Variants in AP4E1 observed in about 807,000 individuals in gnomAD.
AP4E1 encodes the protein adaptor related protein complex 4 subunit epsilon 1.
A neutral mutation model predicts 128.2 loss-of-function variants in AP4E1; 56 were observed. The ratio of observed to expected loss-of-function variants is 0.44; its 90% confidence interval spans 0.35 to 0.55. The LOEUF (loss-of-function observed/expected upper bound fraction) is 0.55. Ranked by LOEUF, AP4E1 falls within the 20% of genes least tolerant of loss-of-function variation. The pLI is 0.00. For synonymous variants in AP4E1, 484 were observed against 473.1 expected (o/e 1.02, Z -0.30); for missense variants, 1,324 against 1,307.7 (o/e 1.01, Z -0.19).
At chr15:50,945,658 T>G in intron 10 of AP4E1, 3 of 780,118 alleles carry the variant, frequency 3.8e-6, no homozygotes, top group Non-Finnish European at 7.1e-6. Context: ...CTGTGTAAAA[T>G]GCACTTCTGA....
chr15:50,934,857 T>C (rs1408197285), intron 8 of AP4E1, among the ~76,000 whole-genome samples, 160 bp downstream of exon 8: 1 of 152,140 alleles, frequency 6.6e-6, no homozygotes, highest in African/African-American at 2.4e-5. Flanking sequence ...ATTTAATTAC[T>C]GATAGATAAG....
At chr15:50,985,478 A>G (rs1010746498) in intron 16 of AP4E1, among the ~76,000 whole-genome samples, 8 of 152,100 alleles carry the variant, frequency 5.3e-5, no homozygotes, top group African/African-American at 1.9e-4. Flanking sequence ...ATCTTGAATT[A>G]ATTTTTGTAT....
At chr15:50,921,969 G>T (rs1413013540) in intron 3 of AP4E1, among the ~76,000 whole-genome samples, 1 of 151,902 alleles carries the variant, frequency 6.6e-6, no homozygotes, top group Non-Finnish European at 1.5e-5. Flanking sequence ...ACTTGGGAAT[G>T]GGTGATACCT....
intron 14 of AP4E1, among the ~76,000 whole-genome samples, chr15:50,962,704 T>C (rs2064332027): frequency 6.6e-6 from 1 of 151,880 alleles, no homozygotes; most frequent in Non-Finnish European, 1.5e-5. Flanking sequence ...CAAAGATTTA[T>C]GGCTAAGACT....
rs977745809 is a variant in AP4E1, at chr15:50,963,567, G to A, written c.1852-4696G>A. ...GAGAATAAAGAAGCTGGGAAGGGTC[G>A]GGGGGCAGGGAAGAAGAATTGTTGG... On this transcript the variant is annotated intron_variant, in intron 14 of 20. Coordinates refer to ENST00000261842, the MANE Select transcript of AP4E1 (RefSeq NM_007347.5). 1.8e-4 allele frequency among the ~76,000 whole-genome samples: 28 copies of A among 152,102 alleles called. No homozygotes were observed. In the South Asian group the frequency reaches 1.9e-3, roughly 10 times the overall value.
At chr15:50,977,490 A>G (rs1290551630) in intron 15 of AP4E1, among the ~76,000 whole-genome samples, 1 of 152,100 alleles carries the variant, frequency 6.6e-6, no homozygotes, top group Non-Finnish European at 1.5e-5. Flanking sequence ...AAAGTCCTTT[A>G]AAGCAAAACT....
chr15:50,914,218 T>C (rs1015821001), intron 2 of AP4E1, among the ~76,000 whole-genome samples: 3 of 152,244 alleles, frequency 2.0e-5, no homozygotes, highest in Non-Finnish European at 4.4e-5. Context: ...GATTTTCCTA[T>C]GGTTTCTCTT....
chr15:50,979,490 C>G (rs2064607082), intron 15 of AP4E1, among the ~76,000 whole-genome samples: 1 of 152,174 alleles, frequency 6.6e-6, no homozygotes, highest in Non-Finnish European at 1.5e-5. Context: ...TCTTAGATAG[C>G]TCAGCCTTGA....
chr15:50,972,392 A>G (rs192590396), intron 15 of AP4E1, among the ~76,000 whole-genome samples: 20 of 152,018 alleles, frequency 1.3e-4, no homozygotes, highest in African/African-American at 4.8e-4. Context: ...TTGTATTTTT[A>G]GTAGAGACGG....
At chr15:50,965,435 GGCAGCAGTGGGGT>G (rs2064379351) in intron 14 of AP4E1, among the ~76,000 whole-genome samples, 1 of 152,240 alleles carries the variant, frequency 6.6e-6, no homozygotes, top group Non-Finnish European at 1.5e-5. Context: ...TGCTGGTGGT[GGCAGCAGTGGGGT>G]GCACACAAAT....
chr15:50,984,195 T>G (rs1267901816), intron 16 of AP4E1, 50 bp downstream of exon 16: 3 of 1,605,456 alleles, frequency 1.9e-6, no homozygotes, highest in Admixed American at 3.3e-5. Context: ...CTTAAATGTC[T>G]TTTAGCGTTC....
intron 3 of AP4E1, among the ~76,000 whole-genome samples, chr15:50,921,836 G>A (rs2063706339): frequency 6.6e-6 from 1 of 152,002 alleles, no homozygotes; most frequent in South Asian, 2.1e-4. Flanking sequence ...CATTTTTTGA[G>A]TCACAGTGTT....
At chr15:50,921,922 T>G (rs2063708053) in intron 3 of AP4E1, among the ~76,000 whole-genome samples, 1 of 152,140 alleles carries the variant, frequency 6.6e-6, no homozygotes, top group African/African-American at 2.4e-5. Context: ...TTCATTGAGA[T>G]GGTCTTTGGA....
upstream of AP4E1, among the ~76,000 whole-genome samples, chr15:50,907,723 G>A (rs1186232001): frequency 1.8e-4 from 28 of 152,162 alleles, no homozygotes; most frequent in Admixed American, 1.7e-3. Flanking sequence ...CCAACAGAAT[G>A]AGGGTAAAAA....
chr15:50,944,507 C>T (rs2064030591), intron 10 of AP4E1, among the ~76,000 whole-genome samples: 1 of 152,018 alleles, frequency 6.6e-6, no homozygotes, highest in Non-Finnish European at 1.5e-5. Flanking sequence ...TCTGAAGCAG[C>T]TCCATAAGTT....
chr15:50,955,715 C>T (rs2064213923), intron 13 of AP4E1, among the ~76,000 whole-genome samples: 1 of 152,192 alleles, frequency 6.6e-6, no homozygotes, highest in Non-Finnish European at 1.5e-5. Flanking sequence ...GGTGCAGGCT[C>T]CCTGCCTAGT....
chr15:50,991,263 C>T (rs1204389853), intron 16 of AP4E1, among the ~76,000 whole-genome samples: 1 of 152,208 alleles, frequency 6.6e-6, no homozygotes, highest in East Asian at 1.9e-4. Context: ...TTGTCCTCCA[C>T]ATCGGCCTTT....
chr15:50,957,594 C>A (rs747799720), intron 13 of AP4E1, among the ~76,000 whole-genome samples: 1 of 152,050 alleles, frequency 6.6e-6, no homozygotes, highest in Non-Finnish European at 1.5e-5. Flanking sequence ...AATTCCTCTG[C>A]CTCCTGTCCC....
At position 50,924,677 on chromosome 15, in the gene AP4E1, A is replaced by G. The variant is rs114581967; in HGVS notation, c.421-421A>G. The stretch of plus-strand genomic sequence containing the variant: ...TTCTATTAGAATAGTTTTATAGACC[A>G]TATGGATAGATAAGTACATATGAAT... On this transcript the variant is annotated intron_variant, in intron 4 of 20. Transcript: ENST00000261842. Among the ~76,000 whole-genome samples, 378 of 152,326 alleles carry G rather than the reference A, an allele frequency of 2.5e-3. 2 individuals carry two copies. The highest frequency in any genetic ancestry group is 8.7e-3 in the African/African-American group (363 of 41,580).
Sources: allele counts gnomAD v4.1 joint callset (sites outside exome capture counted in the v4.1 genomes callset), GRCh38; gene constraint gnomAD v4.1.1; transcripts MANE v1.5; gene names NCBI Gene and HGNC (gene_info 2026-07-23, HGNC 2026-07-21).